The following GRIN2A variants were observed in gnomAD, a reference collection of about 807,000 sequenced individuals.
GRIN2A encodes the protein glutamate receptor ionotropic, NMDA 2A.
In GRIN2A, 22 loss-of-function variants were observed where a neutral mutation model predicts 113.4. The observed-to-expected ratio is 0.19, with a 90% confidence interval of 0.14 to 0.28. The LOEUF (loss-of-function observed/expected upper bound fraction) is 0.28, where lower values mean the gene tolerates loss of function less well. Among genes scored for constraint, GRIN2A ranks in the 10% least tolerant of loss-of-function variants. The probability of loss-of-function intolerance (pLI) is 1.00; values close to 1 mark genes in which losing one functional copy is unlikely to be tolerated. For missense variants in GRIN2A, 1,502 were observed against 1,887.0 expected, an observed-to-expected ratio of 0.80 and a Z score of 3.78; for synonymous variants, 827 against 738.4, an observed-to-expected ratio of 1.12 and a Z score of -1.94.
At chr16:10,097,048 A>C (rs1303524270) in intron 2 of GRIN2A, among the ~76,000 whole-genome samples, 1 of 152,158 alleles carries the variant, frequency 6.6e-6, no homozygotes, top group East Asian at 1.9e-4. Context: ...GCTCCCTTTC[A>C]AGTCTGTTTC....
At chr16:10,033,083 A>T (rs1763226425) in intron 2 of GRIN2A, among the ~76,000 whole-genome samples, 1 of 152,066 alleles carries the variant, frequency 6.6e-6, no homozygotes, top group Non-Finnish European at 1.5e-5. Context: ...GATTATACCT[A>T]TATTGGGGTG....
chr16:9,771,172 T>G (rs993092191), intron 11 of GRIN2A, among the ~76,000 whole-genome samples: 5 of 152,018 alleles, frequency 3.3e-5, no homozygotes, highest in Non-Finnish European at 7.4e-5. Flanking sequence ...CAATTTGCAA[T>G]TCCCTAATGG....
At chr16:9,905,874 C>T (rs16966689) in intron 3 of GRIN2A, among the ~76,000 whole-genome samples, 3,868 of 152,282 alleles carry the variant, frequency 0.025, 340 homozygotes, top group Admixed American at 0.17. Flanking sequence ...GTAATAGTGA[C>T]TCTCCTTCGT....
intron 3 of GRIN2A, among the ~76,000 whole-genome samples, chr16:9,929,358 TC>T (rs2044537574): frequency 6.6e-6 from 1 of 152,174 alleles, no homozygotes; most frequent in Non-Finnish European, 1.5e-5. Flanking sequence ...AACATTTCTT[TC>T]CTCATTTCTT....
chr16:9,963,002 T>C (rs2045473087), intron 2 of GRIN2A, among the ~76,000 whole-genome samples: 1 of 151,234 alleles, frequency 6.6e-6, no homozygotes, highest in Admixed American at 6.6e-5. Context: ...ACCATCACTC[T>C]CAGCAAACTA....
chr16:9,955,699 C>T (rs1596359955), intron 2 of GRIN2A, among the ~76,000 whole-genome samples: 1 of 152,164 alleles, frequency 6.6e-6, no homozygotes, highest in Non-Finnish European at 1.5e-5. Context: ...ACTATATCTC[C>T]AGCACTGTAG....
At chr16:9,787,464 G>A (rs1410858667) in intron 11 of GRIN2A, among the ~76,000 whole-genome samples, 1 of 152,198 alleles carries the variant, frequency 6.6e-6, no homozygotes, top group Non-Finnish European at 1.5e-5. Context: ...TGCCTCACAG[G>A]TATTGATTGA....
At position 9,938,230 on chromosome 16, in the gene GRIN2A, G is replaced by T. The variant is rs555768104; in HGVS notation, c.736C>A (p.Leu246Ile). The T allele has an allele frequency of 2.9e-5, 47 of 1,613,538 alleles. No homozygotes were observed. In the African/African-American group the frequency reaches 5.6e-4, roughly 19 times the overall value. Reference protein sequence around the residue: ...AVLILSEARSLGLTGYDFFWI... With the variant: ...AVLILSEARSIGLTGYDFFWI... Reference sequence around the variant, plus strand: ...AAGAAATCATACCCGGTGAGGCCAAGGGAGCGGGCCTCACTCAGAATGAGA... The same window carrying T: ...AAGAAATCATACCCGGTGAGGCCAATGGAGCGGGCCTCACTCAGAATGAGA... The change falls in exon 3 of 13, where the codon CTT (leucine) becomes ATT (isoleucine). Residue 246 changes from leucine (L) to isoleucine (I), a missense_variant. Physicochemically the swap from Leu to Ile is conservative, Grantham distance 5 (BLOSUM62 2). Coordinates refer to ENST00000330684, the MANE Select transcript of GRIN2A (RefSeq NM_001134407.3).
chr16:10,111,824 G>A, intron 2 of GRIN2A: 1 of 1,257,138 alleles, frequency 8.0e-7, no homozygotes, highest in Non-Finnish European at 1.1e-6. Context: ...ACTGAGATGG[G>A]CACCATGGGG....
intron 2 of GRIN2A, among the ~76,000 whole-genome samples, chr16:10,105,959 T>A (rs1250725763): frequency 7.4e-6 from 1 of 135,010 alleles, no homozygotes; most frequent in Non-Finnish European, 1.7e-5. Context: ...TAAACATATA[T>A]ATGCAAAGGT....
chr16:9,779,392 G>A (rs1457950432), intron 11 of GRIN2A, among the ~76,000 whole-genome samples: 1 of 152,234 alleles, frequency 6.6e-6, no homozygotes. Flanking sequence ...CCTTGAAGCT[G>A]TAAAATCCAG....
At chr16:9,995,806 C>G (rs1228555570) in intron 2 of GRIN2A, among the ~76,000 whole-genome samples, 2 of 151,972 alleles carry the variant, frequency 1.3e-5, no homozygotes, top group East Asian at 1.9e-4. Context: ...CCCCTTAACA[C>G]TAGCTTCCAT....
At chr16:9,931,465 C>G (rs970942095) in intron 3 of GRIN2A, among the ~76,000 whole-genome samples, 1 of 152,146 alleles carries the variant, frequency 6.6e-6, no homozygotes, top group Non-Finnish European at 1.5e-5. Context: ...CACGCACCCT[C>G]TTTAGGAAAA....
chr16:10,083,700 A>G (rs2048029732), intron 2 of GRIN2A, among the ~76,000 whole-genome samples: 1 of 152,184 alleles, frequency 6.6e-6, no homozygotes, highest in Admixed American at 6.5e-5. Flanking sequence ...CATGCTTTAT[A>G]AAGTCACCTT....
rs541278987 is a variant in GRIN2A at position 9,845,306 on chromosome 16, G to T, written c.1329-4202C>A. Among the ~76,000 whole-genome samples, 3 of 152,286 alleles carry T rather than the reference G, an allele frequency of 2.0e-5. No individual in the cohort carries two copies. The East Asian group carries it at 5.8e-4, about 29-fold the overall frequency. ...TTTGATTTCTCTTCCTCATACAAAT[G>T]TGACTCAGTACTTGGGGATCTACTT... On this transcript the variant is annotated intron_variant, in intron 5 of 12. Transcript: ENST00000330684.
chr16:9,846,352 C>T (rs1251714226), intron 5 of GRIN2A, among the ~76,000 whole-genome samples: 1 of 152,180 alleles, frequency 6.6e-6, no homozygotes, highest in African/African-American at 2.4e-5. Flanking sequence ...TTCAGGATTT[C>T]AACTTCAAAG....
At chr16:9,811,586 C>T (rs1310037228) in intron 10 of GRIN2A, among the ~76,000 whole-genome samples, 13 of 152,106 alleles carry the variant, frequency 8.5e-5, no homozygotes, top group Admixed American at 8.5e-4. Context: ...GTGGCAAAAC[C>T]CTGTCTCTAC....
At chr16:10,118,658 A>G (rs2048774127) in intron 2 of GRIN2A, among the ~76,000 whole-genome samples, 2 of 152,174 alleles carry the variant, frequency 1.3e-5, no homozygotes, top group Non-Finnish European at 2.9e-5. Flanking sequence ...TGCTGTATCT[A>G]AAAACTTGGG....
chr16:9,816,965 G>T (rs1164975082), intron 10 of GRIN2A, among the ~76,000 whole-genome samples: 1 of 152,174 alleles, frequency 6.6e-6, no homozygotes, highest in Non-Finnish European at 1.5e-5. Flanking sequence ...CAACAGATCT[G>T]TGCCTGAAAA....
Sources: allele counts gnomAD v4.1 joint callset (sites outside exome capture counted in the v4.1 genomes callset), GRCh38; gene constraint gnomAD v4.1.1; transcripts MANE v1.5; gene names NCBI Gene and HGNC (gene_info 2026-07-23, HGNC 2026-07-21).